RAET1G: variants seen among roughly 807,000 people sequenced by gnomAD.
The protein encoded by RAET1G is UL-16 binding protein 5.
In RAET1G, 25 loss-of-function variants were observed where a neutral mutation model predicts 29.5. The ratio of observed to expected loss-of-function variants is 0.85; its 90% confidence interval spans 0.62 to 1.18. RAET1G has a LOEUF of 1.18. RAET1G is among the 50% of genes most tolerant of loss of function. RAET1G has a pLI of 0.00. For synonymous variants in RAET1G, 167 were observed against 159.5 expected (o/e 1.05, Z -0.36); for missense variants, 434 against 423.6 (o/e 1.02, Z -0.22).
In RAET1G at chr6:149,918,225, G is replaced by A. The variant is rs1778495757; in HGVS notation, c.791C>T (p.Pro264Leu). 6.2e-7 allele frequency: 1 copy of A among 1,614,074 alleles called. No individual in the cohort carries two copies. Among genetic ancestry groups the A allele is most frequent in the African/African-American group, 1.3e-5 (1 of 74,918 alleles). Residue 264 changes from proline (P) to leucine (L), a missense_variant, in exon 4 of 5, where the codon CCT (proline) becomes CTT (leucine). Coordinates refer to ENST00000367360, the MANE Select transcript of RAET1G (RefSeq NM_001001788.4). ...HPQSLQPPPH[P>L]PLLHPTWLLR... The stretch of plus-strand genomic sequence containing the variant: ...CAGCCAGGTAGGATGAAGCAGGGGA[G>A]GATGAGGAGGAGGCTGCAGGGACTG...
At chr6:149,919,954 G>T in intron 1 of RAET1G, 138 bp from the exon 2 acceptor site, 1 of 1,566,466 alleles carries the variant, frequency 6.4e-7, no homozygotes, top group Non-Finnish European at 8.6e-7. Context: ...GAACTGTGGT[G>T]TCCACAAGAT....
In RAET1G at chr6:149,919,623, T is replaced by C; in HGVS notation, c.279A>G (p.Val93=). The change falls in exon 2 of 5, where the codon GTA becomes GTG. Residue 93 remains valine, a synonymous_variant. Coordinates refer to ENST00000367360, the MANE Select transcript of RAET1G (RefSeq NM_001001788.4). ...TAAGTATGTCCACCACCTCTCTCAG[T>C]ACTGGGTTCTGTGCTTTCCAGGCCG... ...VTTAWKAQNP[V]LREVVDILTE... 15 of 1,614,022 alleles carry C rather than the reference T, an allele frequency of 9.3e-6. No individual in the cohort carries two copies. The highest frequency in any genetic ancestry group is 1.2e-5 in the Non-Finnish European group (14 of 1,179,862).
intron 4 of RAET1G, among the ~76,000 whole-genome samples, chr6:149,917,581 A>G (rs1235332980): frequency 6.6e-6 from 1 of 152,256 alleles, no homozygotes; most frequent in Non-Finnish European, 1.5e-5. Flanking sequence ...GAGTAACACT[A>G]CAGACTAATG....
intron 2 of RAET1G, 96 bp downstream of exon 2, chr6:149,919,457 A>G: frequency 6.2e-7 from 1 of 1,611,708 alleles, no homozygotes; most frequent in Non-Finnish European, 8.5e-7. Context: ...GCGGGGTGAG[A>G]TGACCTTCCT....
intron 1 of RAET1G, 41 bp from the exon 2 acceptor site, chr6:149,919,857 G>A (rs1370204999): frequency 6.2e-7 from 1 of 1,611,918 alleles, no homozygotes; most frequent in African/African-American, 1.3e-5. Flanking sequence ...GGGAGGAAAA[G>A]ACCCCTAGAT....
intron 1 of RAET1G, among the ~76,000 whole-genome samples, chr6:149,921,232 A>G (rs1562480382): frequency 6.6e-6 from 1 of 152,260 alleles, no homozygotes; most frequent in East Asian, 1.9e-4. Context: ...TAAGTGCCCA[A>G]TGACCCAAGA....
rs1470439307 is a variant in RAET1G, at chr6:149,918,378, G to A, written c.638C>T (p.Pro213Leu). 2 of 1,613,960 alleles carry A rather than the reference G, an allele frequency of 1.2e-6. No individual in the cohort carries two copies. The highest frequency in any genetic ancestry group is 1.7e-6 in the Non-Finnish European group (2 of 1,179,952). The change falls in exon 4 of 5, where the codon CCC (proline) becomes CTC (leucine). Residue 213 changes from proline to leucine, a missense_variant. Transcript: ENST00000367360. ...TTGGGCTGTGCCTGAGGACATGGTG[G>A]GTGGTGCTGAAATGGAAGCACAAGA... is the stretch of plus-strand genomic sequence containing the variant. The part of the protein sequence containing the change: ...STLEPSAGAP[P>L]TMSSGTAQPR...
At chr6:149,917,566 A>G (rs1778475593) in intron 4 of RAET1G, among the ~76,000 whole-genome samples, 1 of 152,250 alleles carries the variant, frequency 6.6e-6, no homozygotes. Context: ...TAACATTGGA[A>G]AAAAGAGTAA....
rs1463669653 is a variant in RAET1G at position 149,917,020 on chromosome 6, T to C, written c.897A>G (p.Leu299=). 4 of 1,550,382 alleles carry C rather than the reference T, an allele frequency of 2.6e-6. No homozygotes were observed. The highest frequency in any genetic ancestry group is 3.5e-6 in the Non-Finnish European group (4 of 1,146,272). Residue 299 remains leucine (L), a synonymous_variant, in exon 5 of 5, where the codon TTA becomes TTG. Transcript: ENST00000367360. ...LSGGHVTRVT[L]PIIGDDSHSL... ...AGTGTGAGTCGTCTCCAATGATAGG[T>C]AAAGTCACGCGAGTCACGTGTCCAC...
intron 1 of RAET1G, among the ~76,000 whole-genome samples, chr6:149,921,115 G>A (rs570134923): frequency 5.0e-4 from 76 of 152,362 alleles, no homozygotes; most frequent in African/African-American, 1.5e-3. Flanking sequence ...TTGTAAACAT[G>A]TAAAGGTGTG....
At chr6:149,918,469 A>G (rs1445891156) in intron 3 of RAET1G, 85 bp from the exon 4 acceptor site, 11 of 1,450,626 alleles carry the variant, frequency 7.6e-6, no homozygotes, top group Non-Finnish European at 1.1e-5. Flanking sequence ...GACCCAGGTC[A>G]TCCTGGAAGG....
intron 1 of RAET1G, among the ~76,000 whole-genome samples, chr6:149,921,606 G>T (rs1476549891): frequency 3.3e-5 from 5 of 152,176 alleles, no homozygotes; most frequent in African/African-American, 1.2e-4. Context: ...ACACCACGTG[G>T]CTGCACCCCC....
rs765293853 is a variant in RAET1G, at chr6:149,919,163, T to A, written c.511A>T (p.Lys171Ter). 2 of 1,614,214 alleles carry A rather than the reference T, an allele frequency of 1.2e-6. No individual in the cohort carries two copies. The highest frequency in any genetic ancestry group is 2.2e-5 in the East Asian group (1 of 44,888). Residue 171 changes from lysine to a stop codon, truncating the protein, a stop_gained, in exon 3 of 5, where the codon AAG (lysine) becomes TAG (stop). Transcript: ENST00000367360. LOFTEE classifies it high-confidence loss of function. ...VHPGARKMKE[K>*]WENDKDMTMS... Reference sequence around the variant, plus strand: ...GTCATATCCTTGTCATTCTCCCACTTTTCTTTCATCTTTCTGGCTCCAGGA... The same window carrying A: ...GTCATATCCTTGTCATTCTCCCACTATTCTTTCATCTTTCTGGCTCCAGGA...
intron 1 of RAET1G, among the ~76,000 whole-genome samples, chr6:149,921,347 A>G (rs1778596451): frequency 6.6e-6 from 1 of 152,252 alleles, no homozygotes; most frequent in South Asian, 2.1e-4. Context: ...ACTCACAGCA[A>G]GGAAATCTCA....
chr6:149,918,111 C>T (rs1778490833), intron 4 of RAET1G, 63 bp downstream of exon 4: 4 of 1,435,344 alleles, frequency 2.8e-6, no homozygotes, highest in Middle Eastern at 1.9e-4. Context: ...TGGGAATTCT[C>T]CATCCCTGTC....
At position 149,919,535 on chromosome 6, in the gene RAET1G, G is replaced by A; in HGVS notation, c.349+18C>T. 2 of 1,613,968 alleles carry A rather than the reference G, an allele frequency of 1.2e-6. No homozygotes were observed. The highest frequency in any genetic ancestry group is 1.7e-6 in the Non-Finnish European group (2 of 1,179,874). On this transcript the variant is annotated intron_variant, in intron 2 of 4. Transcript: ENST00000367360. ...CACTGTATCTGCTCCCTGCTGTCCT[G>A]GGCCATCTGAAACTTACCCTTGGGT... is the stretch of plus-strand genomic sequence containing the variant.
chr6:149,917,104 G>A (rs1582796325), intron 4 of RAET1G, 30 bp from the exon 5 acceptor site: 1 of 1,518,912 alleles, frequency 6.6e-7, no homozygotes. Flanking sequence ...GACAGCTTAC[G>A]TCATTGTTTC....
chr6:149,921,449 G>T (rs137991258), intron 1 of RAET1G, among the ~76,000 whole-genome samples: 3 of 152,118 alleles, frequency 2.0e-5, no homozygotes, highest in Non-Finnish European at 4.4e-5. Flanking sequence ...CCTCAGAGCT[G>T]CCCATTACGG....
intron 1 of RAET1G, 44 bp from the exon 2 acceptor site, chr6:149,919,860 C>T: frequency 6.2e-7 from 1 of 1,611,900 alleles, no homozygotes; most frequent in South Asian, 1.1e-5. Context: ...AGGAAAAGAC[C>T]CCTAGATACC....
Sources: gnomAD v4.1 joint callset for allele counts (sites outside exome capture counted in the v4.1 genomes callset) on GRCh38, gnomAD v4.1.1 for gene constraint, MANE v1.5 for transcripts, NCBI Gene and HGNC (gene_info 2026-07-23, HGNC 2026-07-21) for gene names.